Variants in NRG3 observed in about 807,000 individuals in gnomAD.
NRG3 encodes pro-neuregulin-3, membrane-bound isoform.
NRG3 carries 31 observed loss-of-function variants against 66.9 expected under a neutral mutation model. The ratio of observed to expected loss-of-function variants is 0.46; its 90% confidence interval spans 0.35 to 0.63. The LOEUF is 0.63. Ranked by LOEUF, NRG3 falls within the 20% of genes least tolerant of loss-of-function variation. NRG3 has a pLI of 0.00. For synonymous variants in NRG3, 393 were observed against 359.4 expected, an observed-to-expected ratio of 1.09 and a Z score of -1.06; for missense variants, 910 against 878.9, an observed-to-expected ratio of 1.04 and a Z score of -0.45.
chr10:82,120,949 C>G (rs1162802750), intron 1 of NRG3, among the ~76,000 whole-genome samples: 1 of 151,886 alleles, frequency 6.6e-6, no homozygotes, highest in Non-Finnish European at 1.5e-5. Flanking sequence ...TTTTCATTTG[C>G]TGAAATAATG....
chr10:81,970,704 C>T (rs938298004), intron 1 of NRG3, among the ~76,000 whole-genome samples: 2 of 151,736 alleles, frequency 1.3e-5, no homozygotes, highest in African/African-American at 4.8e-5. Flanking sequence ...ATATGCTAGA[C>T]CAAGGTATGG....
intron 4 of NRG3, among the ~76,000 whole-genome samples, chr10:82,894,037 A>G (rs1843420242): frequency 6.6e-6 from 1 of 152,228 alleles, no homozygotes; most frequent in South Asian, 2.1e-4. Flanking sequence ...TATAAAACGT[A>G]CCAGCAACAC....
At chr10:82,652,169 G>A (rs908354012) in intron 2 of NRG3, among the ~76,000 whole-genome samples, 1 of 152,184 alleles carries the variant, frequency 6.6e-6, no homozygotes, top group Non-Finnish European at 1.5e-5. Flanking sequence ...CAGCAGGAGT[G>A]AACTCCATTG....
At chr10:81,878,675 T>C (rs1483447610) in intron 1 of NRG3, among the ~76,000 whole-genome samples, 4 of 152,194 alleles carry the variant, frequency 2.6e-5, no homozygotes, top group African/African-American at 7.2e-5. Flanking sequence ...CTCCATACTT[T>C]AGTGGGTCTT....
chr10:82,746,060 T>TA (rs1293575721), intron 3 of NRG3, among the ~76,000 whole-genome samples: 3 of 152,010 alleles, frequency 2.0e-5, no homozygotes, highest in African/African-American at 7.2e-5. Flanking sequence ...AACTACTTTT[T>TA]AAAAAAATGT....
chr10:82,201,257 G>A (rs986925620), intron 1 of NRG3, among the ~76,000 whole-genome samples: 19 of 151,540 alleles, frequency 1.3e-4, no homozygotes, highest in Admixed American at 9.2e-4. Flanking sequence ...GGAGCCAGAG[G>A]GGCCTCTAGA....
At chr10:82,803,717 G>A (rs775362845) in intron 3 of NRG3, among the ~76,000 whole-genome samples, 9 of 151,940 alleles carry the variant, frequency 5.9e-5, no homozygotes, top group Non-Finnish European at 1.0e-4. Flanking sequence ...ATGATGAAGC[G>A]TAAATATGTA....
intron 2 of NRG3, among the ~76,000 whole-genome samples, chr10:82,516,887 A>G (rs1229225367): frequency 6.6e-6 from 1 of 152,232 alleles, no homozygotes; most frequent in African/African-American, 2.4e-5. Context: ...AATGCCAAAA[A>G]TAAGAAGGTA....
intron 2 of NRG3, among the ~76,000 whole-genome samples, chr10:82,664,138 G>T (rs983667608): frequency 6.6e-6 from 1 of 152,134 alleles, no homozygotes; most frequent in African/African-American, 2.4e-5. Flanking sequence ...AAAGGAATTT[G>T]TATGTCCATA....
chr10:82,853,962 G>A (rs560030588), intron 3 of NRG3, among the ~76,000 whole-genome samples: 17 of 152,112 alleles, frequency 1.1e-4, no homozygotes, highest in African/African-American at 3.9e-4. Context: ...ATGACTTCGA[G>A]GTATGTCTCT....
At position 82,935,651 on chromosome 10, in the gene NRG3, C is replaced by G. The variant is rs535306792; in HGVS notation, c.1055-15818C>G. Among the ~76,000 whole-genome samples, 138 of 152,110 alleles carry G rather than the reference C, an allele frequency of 9.1e-4. 1 individual carries two copies. Among genetic ancestry groups the G allele is most frequent in the Admixed American group, 1.6e-3 (24 of 15,274 alleles). The stretch of plus-strand genomic sequence containing the variant: ...CTTTTTTTTTAAACGGAGTCTCGCT[C>G]TGTCACCCAGGCTGGAGTGCAGAGT... On this transcript the variant is annotated intron_variant, in intron 4 of 8. Coordinates refer to ENST00000372141, the MANE Select transcript of NRG3 (RefSeq NM_001010848.4).
intron 1 of NRG3, among the ~76,000 whole-genome samples, chr10:82,000,532 A>T: frequency 6.6e-6 from 1 of 152,154 alleles, no homozygotes; most frequent in East Asian, 1.9e-4. Flanking sequence ...CTATCTTTCC[A>T]TCATAGCCCA....
At chr10:82,764,310 C>G (rs748019862) in intron 3 of NRG3, among the ~76,000 whole-genome samples, 1 of 151,932 alleles carries the variant, frequency 6.6e-6, no homozygotes, top group Non-Finnish European at 1.5e-5. Context: ...GCTTGGATTA[C>G]AGGTGTGAGC....
chr10:82,052,398 G>A (rs2063643430), intron 1 of NRG3, among the ~76,000 whole-genome samples: 1 of 144,894 alleles, frequency 6.9e-6, no homozygotes, highest in Non-Finnish European at 1.5e-5. Flanking sequence ...TACAGTGACA[G>A]CCAACCACAT....
intron 1 of NRG3, among the ~76,000 whole-genome samples, chr10:82,088,084 A>G (rs1400630413): frequency 6.6e-6 from 1 of 152,168 alleles, no homozygotes; most frequent in Admixed American, 6.5e-5. Context: ...CATGATGATT[A>G]CATGGTGCAT....
intron 2 of NRG3, among the ~76,000 whole-genome samples, chr10:82,475,969 TAG>T (rs1032966812): frequency 6.6e-6 from 1 of 151,710 alleles, no homozygotes; most frequent in African/African-American, 2.4e-5. Context: ...CCAAAATATA[TAG>T]AGTTCCTACA....
At chr10:82,207,390 T>G (rs2075171694) in intron 1 of NRG3, among the ~76,000 whole-genome samples, 1 of 152,150 alleles carries the variant, frequency 6.6e-6, no homozygotes, top group South Asian at 2.1e-4. Flanking sequence ...GCAAGTTACT[T>G]TACCTGTCCA....
intron 2 of NRG3, among the ~76,000 whole-genome samples, chr10:82,483,417 C>A (rs913195677): frequency 6.6e-6 from 1 of 152,154 alleles, no homozygotes; most frequent in Admixed American, 6.5e-5. Flanking sequence ...ACTCCGTGGA[C>A]CTTTGTAGAA....
chr10:82,243,652 C>T (rs1016066161), intron 1 of NRG3, among the ~76,000 whole-genome samples: 1 of 152,106 alleles, frequency 6.6e-6, no homozygotes, highest in Non-Finnish European at 1.5e-5. Flanking sequence ...ATCTTTCGGT[C>T]TGAATTGTCA....
Sources: allele counts gnomAD v4.1 joint callset (sites outside exome capture counted in the v4.1 genomes callset), GRCh38; gene constraint gnomAD v4.1.1; transcripts MANE v1.5; gene names NCBI Gene and HGNC (gene_info 2026-07-23, HGNC 2026-07-21).